CACNA1C: variants seen among roughly 807,000 people sequenced by gnomAD.
The protein encoded by CACNA1C is calcium voltage-gated channel subunit alpha1 C.
In CACNA1C, 30 loss-of-function variants were observed where a neutral mutation model predicts 229.0. That is an observed-to-expected ratio of 0.13 (90% confidence interval 0.10 to 0.18). CACNA1C has a LOEUF of 0.18. CACNA1C is among the 10% of genes least tolerant of loss of function. The pLI, the probability that CACNA1C is intolerant of heterozygous loss-of-function variation, is 1.00. For synonymous variants in CACNA1C, 1,114 were observed against 1,132.5 expected, an observed-to-expected ratio of 0.98 and a Z score of 0.33; for missense variants, 1,658 against 2,845.0, an observed-to-expected ratio of 0.58 and a Z score of 9.49.
intron 3 of CACNA1C, among the ~76,000 whole-genome samples, chr12:2,213,391 T>A (rs1006271907): frequency 2.6e-5 from 4 of 152,074 alleles, no homozygotes; most frequent in African/African-American, 9.7e-5. Flanking sequence ...GAGGTGACCT[T>A]CCCCTTCTGT....
In CACNA1C at chr12:2,647,385, A is replaced by C. The variant is rs149470101; in HGVS notation, c.3913-1090A>C. Among the ~76,000 whole-genome samples, 95 of 152,306 alleles carry C rather than the reference A, an allele frequency of 6.2e-4. No homozygotes were observed. Among genetic ancestry groups the C allele is most frequent in the Non-Finnish European group, 1.0e-3 (71 of 68,030 alleles). The stretch of plus-strand genomic sequence containing the variant: ...GGCCCTGGGATACTCACCAGAGGCC[A>C]GTTTCCTCAGCTCCTACCCCCAAAT... On this transcript the variant is annotated intron_variant, in intron 30 of 46. Coordinates refer to ENST00000399655, the MANE Select transcript of CACNA1C (RefSeq NM_000719.7). The surrounding 1 kb of genome is among the most constrained non-coding windows in gnomAD (Gnocchi z 4.2).
At chr12:2,151,265 T>G (rs2095234137) in intron 3 of CACNA1C, among the ~76,000 whole-genome samples, 1 of 151,952 alleles carries the variant, frequency 6.6e-6, no homozygotes, top group Admixed American at 6.6e-5. Flanking sequence ...CAGTAAGATT[T>G]TTTTTTTTAT....
At chr12:2,507,423 T>C (rs780097684) in intron 8 of CACNA1C, among the ~76,000 whole-genome samples, 6 of 152,236 alleles carry the variant, frequency 3.9e-5, no homozygotes, top group Non-Finnish European at 7.3e-5. Flanking sequence ...TTCTGTTGGC[T>C]GACCACTCAG....
rs117663072 is a variant in CACNA1C, at chr12:2,651,987, G to A, written c.4074+219G>A. Reference sequence around the variant, plus strand: ...GCTCAGAGCCCCAGAAGGCCAGGTGGTAAAGGAGGGATGGGAGCTAAGGGG... The same window carrying A: ...GCTCAGAGCCCCAGAAGGCCAGGTGATAAAGGAGGGATGGGAGCTAAGGGG... On this transcript the variant is annotated intron_variant, in intron 32 of 46. Transcript: ENST00000399655. This position sits in a 1 kb window ranked among gnomAD's most constrained non-coding sequence, Gnocchi z 5.4. 6.6e-6 allele frequency among the ~76,000 whole-genome samples: 1 copy of A among 152,166 alleles called. No individual in the cohort carries two copies. The highest frequency in any genetic ancestry group is 1.9e-4 in the East Asian group (1 of 5,154).
intron 3 of CACNA1C, among the ~76,000 whole-genome samples, chr12:2,277,362 G>GACAGACAC: frequency 2.8e-5 from 2 of 72,232 alleles, no homozygotes; most frequent in East Asian, 3.7e-4. Flanking sequence ...CAGACAGACA[G>GACAGACAC]ACACACACAC....
chr12:2,239,355 C>T (rs1272270169), intron 3 of CACNA1C, among the ~76,000 whole-genome samples: 3 of 151,858 alleles, frequency 2.0e-5, no homozygotes, highest in African/African-American at 7.3e-5. Flanking sequence ...TGAGGCTTTC[C>T]TTCCACACAC....
chr12:2,018,901 T>TA (rs978049021), intron 1 of CACNA1C, among the ~76,000 whole-genome samples: 2 of 152,124 alleles, frequency 1.3e-5, no homozygotes, highest in Admixed American at 1.3e-4. Context: ...AACATGCAAA[T>TA]AAACTGAACC....
chr12:2,255,129 T>C (rs995599511), intron 3 of CACNA1C, among the ~76,000 whole-genome samples: 17 of 152,256 alleles, frequency 1.1e-4, no homozygotes, highest in African/African-American at 4.1e-4. Flanking sequence ...ACCTGCTGTG[T>C]GACCTTGGGC....
chr12:2,670,561 T>G (rs2096506651), intron 38 of CACNA1C, among the ~76,000 whole-genome samples: 1 of 152,024 alleles, frequency 6.6e-6, no homozygotes, highest in Admixed American at 6.6e-5. Context: ...TAGCTGATTT[T>G]TAAAAAATAA....
chr12:2,488,621 C>T lies in CACNA1C; in HGVS notation c.916+2359C>T, dbSNP rs182882069. 6.6e-6 allele frequency among the ~76,000 whole-genome samples: 1 copy of T among 152,306 alleles called. No individual in the cohort carries two copies. Among genetic ancestry groups the T allele is most frequent in the East Asian group, 1.9e-4 (1 of 5,184 alleles). On this transcript the variant is annotated intron_variant, in intron 6 of 46. Coordinates refer to ENST00000399655, the MANE Select transcript of CACNA1C (RefSeq NM_000719.7). This position sits in a 1 kb window ranked among gnomAD's most constrained non-coding sequence, Gnocchi z 4.0. ...TGTTTATGTGATGGGTTTATCTTTG[C>T]CTGCAAGTTCAGAAGAGAAGTAGGC...
intron 1 of CACNA1C, among the ~76,000 whole-genome samples, chr12:2,080,604 A>AC (rs1290591739): frequency 1.2e-4 from 15 of 120,744 alleles, no homozygotes; most frequent in African/African-American, 3.3e-4. Context: ...CTGTCTCAAA[A>AC]AAAAAAACAA....
At chr12:2,589,789 G>A (rs2064350048) in intron 18 of CACNA1C, among the ~76,000 whole-genome samples, 1 of 152,228 alleles carries the variant, frequency 6.6e-6, no homozygotes, top group Admixed American at 6.5e-5. Flanking sequence ...GAGGATGGCA[G>A]CTTGGACAGG....
At chr12:2,362,498 C>A (rs1164874581) in intron 3 of CACNA1C, among the ~76,000 whole-genome samples, 1 of 152,160 alleles carries the variant, frequency 6.6e-6, no homozygotes, top group Non-Finnish European at 1.5e-5. Context: ...CTAGCTAATC[C>A]TCAACATTGC....
chr12:2,601,742 A>C lies in CACNA1C; in HGVS notation c.2854-112A>C. ...TCTTTGTCCTTCCTGTTCCCCATGG[A>C]TGGTGCTTGGGACTTGCCCAAGGGA... On this transcript the variant is annotated intron_variant, in intron 21 of 46. Transcript: ENST00000399655. This position sits in a 1 kb window ranked among gnomAD's most constrained non-coding sequence, Gnocchi z 5.9. The C allele has an allele frequency of 1.3e-6, 1 of 749,036 alleles. No homozygotes were observed. The highest frequency in any genetic ancestry group is 2.5e-6 in the Non-Finnish European group (1 of 405,706). 46.4% of individuals were successfully genotyped at this position (749,036 alleles called of 1,614,324 possible).
intron 3 of CACNA1C, among the ~76,000 whole-genome samples, chr12:2,306,652 A>G (rs1382496593): frequency 6.6e-6 from 1 of 152,202 alleles, no homozygotes; most frequent in Non-Finnish European, 1.5e-5. Context: ...TATATCCCAA[A>G]TTGACTTTCA....
At chr12:2,130,263 C>T (rs1230174653) in intron 3 of CACNA1C, among the ~76,000 whole-genome samples, 2 of 144,470 alleles carry the variant, frequency 1.4e-5, no homozygotes, top group East Asian at 2.0e-4. Context: ...ACCAGCTTTG[C>T]GTTTATTAGC....
At chr12:2,314,327 G>C (rs1399592023) in intron 3 of CACNA1C, among the ~76,000 whole-genome samples, 2 of 152,142 alleles carry the variant, frequency 1.3e-5, no homozygotes, top group Non-Finnish European at 2.9e-5. Context: ...TCCATGATCT[G>C]ATATTTTAAA....
intron 3 of CACNA1C, among the ~76,000 whole-genome samples, chr12:2,349,666 T>A (rs909674042): frequency 6.6e-6 from 1 of 152,114 alleles, no homozygotes; most frequent in Non-Finnish European, 1.5e-5. Flanking sequence ...AGCTCTGCAG[T>A]GGTCCCACGG....
intron 1 of CACNA1C, among the ~76,000 whole-genome samples, chr12:1,975,569 A>C (rs1268675554): frequency 6.6e-6 from 1 of 152,180 alleles, no homozygotes; most frequent in Admixed American, 6.5e-5. Context: ...TTTCTCTGCC[A>C]AGAATTTAGA....
Sources: allele counts gnomAD v4.1 joint callset (sites outside exome capture counted in the v4.1 genomes callset), GRCh38; gene constraint gnomAD v4.1.1; non-coding constraint Gnocchi (gnomAD v3.1); transcripts MANE v1.5; gene names NCBI Gene and HGNC (gene_info 2026-07-23, HGNC 2026-07-21).